The following HIPK2 variants were observed in gnomAD, a reference collection of about 807,000 sequenced individuals.
HIPK2 encodes the protein homeodomain-interacting protein kinase 2.
HIPK2 carries 27 observed loss-of-function variants against 113.7 expected under a neutral mutation model. The observed-to-expected ratio is 0.24, with a 90% CI of 0.17 to 0.33. The LOEUF is 0.33. Among genes scored for constraint, HIPK2 ranks in the 10% least tolerant of loss-of-function variants. The pLI is 1.00. For synonymous variants in HIPK2, 631 were observed against 642.2 expected, an observed-to-expected ratio of 0.98 and a Z score of 0.26; for missense variants, 1,257 against 1,588.0, an observed-to-expected ratio of 0.79 and a Z score of 3.54.
In HIPK2 at chr7:139,572,350, G is replaced by C. The variant is rs1018436713; in HGVS notation, c.*577C>G. ...CCTCAGGCTGCAGCCCGACATTCTG[G>C]AGGGCTGTTGACCCTTTCGAGTTCT... is the stretch of plus-strand genomic sequence containing the variant. On this transcript the variant is annotated 3_prime_UTR_variant, in exon 15 of 15. Coordinates refer to ENST00000406875, the MANE Select transcript of HIPK2 (RefSeq NM_022740.5). The C allele has an allele frequency of 4.6e-5, 7 of 152,256 alleles. No individual in the cohort carries two copies. The highest frequency in any genetic ancestry group is 7.3e-5 in the Non-Finnish European group (5 of 68,050). 9.4% of individuals were successfully genotyped at this position (152,256 alleles called of 1,614,324 possible).
At position 139,716,901 on chromosome 7, in the gene HIPK2, C is replaced by G. The variant is rs376416847; in HGVS notation, c.134G>C (p.Gly45Ala). 1.9e-6 allele frequency: 3 copies of G among 1,613,848 alleles called. No homozygotes were observed. In the East Asian group the frequency reaches 6.7e-5, roughly 36 times the overall value. ...CTGGCTATACACTTTGCTGTGGGAG[C>G]CGTACCCAGTCATGTCCCAGTTGGA... ...PSSNWDMTGYGSHSKVYSQSK... is the reference protein window; with the variant it reads ...PSSNWDMTGYASHSKVYSQSK... Residue 45 changes from glycine to alanine, a missense_variant, in exon 2 of 15, where the codon GGC (glycine) becomes GCC (alanine). Physicochemically the swap from Gly to Ala is moderately conservative, Grantham distance 60. Coordinates refer to ENST00000406875, the MANE Select transcript of HIPK2 (RefSeq NM_022740.5). This position sits in a 1 kb window ranked among gnomAD's most constrained non-coding sequence, Gnocchi z 9.3.
chr7:139,774,552 G>A (rs1796706718), intron 1 of HIPK2, among the ~76,000 whole-genome samples: 1 of 152,192 alleles, frequency 6.6e-6, no homozygotes, highest in African/African-American at 2.4e-5. Context: ...CTCATTTCTT[G>A]GTAGACAGCT....
chr7:139,588,083 C>T (rs552072851), intron 12 of HIPK2, among the ~76,000 whole-genome samples: 6 of 151,932 alleles, frequency 3.9e-5, no homozygotes, highest in East Asian at 1.9e-4. Context: ...TTTGGGAGGC[C>T]GAGGTGGGCG....
intron 12 of HIPK2, among the ~76,000 whole-genome samples, chr7:139,589,036 G>A (rs983623171): frequency 2.6e-5 from 4 of 152,186 alleles, no homozygotes; most frequent in Non-Finnish European, 5.9e-5. Context: ...CCCATTCTGT[G>A]GGTGGAGGAC....
At chr7:139,730,446 C>T (rs1795740233) in intron 1 of HIPK2, among the ~76,000 whole-genome samples, 3 of 150,416 alleles carry the variant, frequency 2.0e-5, no homozygotes, top group Non-Finnish European at 4.5e-5. Flanking sequence ...CTGCAACCTC[C>T]ACCTCCCAGG....
chr7:139,647,452 A>G (rs1801276850), intron 2 of HIPK2, among the ~76,000 whole-genome samples: 1 of 152,182 alleles, frequency 6.6e-6, no homozygotes, highest in South Asian at 2.1e-4. Flanking sequence ...CTGTTTATTT[A>G]CTTTTAAGGA....
intron 2 of HIPK2, among the ~76,000 whole-genome samples, chr7:139,677,140 C>T (rs535581868): frequency 2.6e-5 from 4 of 151,958 alleles, no homozygotes; most frequent in South Asian, 4.2e-4. Flanking sequence ...GGATTACAGG[C>T]GTGAGCCACC....
intron 11 of HIPK2, among the ~76,000 whole-genome samples, chr7:139,597,766 A>G (rs1266479675): frequency 6.6e-6 from 1 of 152,220 alleles, no homozygotes; most frequent in African/African-American, 2.4e-5. Context: ...ATTTTGATCA[A>G]CTTGAAATTC....
rs10226461 is a variant in HIPK2 at position 139,689,014 on chromosome 7, A to C, written c.1103+26918T>G. Among the ~76,000 whole-genome samples, 923 of 152,320 alleles carry C rather than the reference A, an allele frequency of 6.1e-3. 13 individuals carry two copies. Among genetic ancestry groups the C allele is most frequent in the African/African-American group, 0.021 (874 of 41,572 alleles). On this transcript the variant is annotated intron_variant, in intron 2 of 14. Coordinates refer to ENST00000406875, the MANE Select transcript of HIPK2 (RefSeq NM_022740.5). ...CTACAAGTCAAACCTGAATATTAAC[A>C]AGGCAAATGAAGAGAAACTCTCAAA...
intron 12 of HIPK2, among the ~76,000 whole-genome samples, chr7:139,594,962 G>A (rs1406491110): frequency 6.6e-6 from 1 of 152,098 alleles, no homozygotes; most frequent in Non-Finnish European, 1.5e-5. Flanking sequence ...AGGGGCTGCC[G>A]CAGAGGCACG....
At position 139,575,133 on chromosome 7, in the gene HIPK2, T is replaced by G; in HGVS notation, c.3121A>C (p.Ser1041Arg). 4 of 1,593,326 alleles carry G rather than the reference T, an allele frequency of 2.5e-6. No homozygotes were observed. Reference sequence around the variant, plus strand: ...GCGCCAGCTGTGGGGCTTACCTGGCTGAGATTGAGTGGCTGCTGCTGCTGG... The same window carrying G: ...GCGCCAGCTGTGGGGCTTACCTGGCGGAGATTGAGTGGCTGCTGCTGCTGG... Reference protein sequence around the residue: ...HFQQQQPLNLSQAQQHITTDR... With the variant: ...HFQQQQPLNLRQAQQHITTDR... The change falls in exon 14 of 15, where the codon AGC (serine) becomes CGC (arginine). Residue 1041 changes from serine to arginine, a missense_variant. Ser to Arg is a moderately radical substitution (Grantham distance 110). Transcript: ENST00000406875.
intron 10 of HIPK2, among the ~76,000 whole-genome samples, chr7:139,602,056 G>A (rs1383069722): frequency 2.7e-5 from 4 of 150,500 alleles, no homozygotes; most frequent in Non-Finnish European, 5.9e-5. Flanking sequence ...GGGTTCAAGC[G>A]ATTCTCCTGC....
chr7:139,708,060 T>G (rs564960354), intron 2 of HIPK2, among the ~76,000 whole-genome samples: 7 of 151,998 alleles, frequency 4.6e-5, no homozygotes, highest in Non-Finnish European at 1.0e-4. Context: ...GCAGAAGGGC[T>G]CTCAACCACT....
chr7:139,627,298 C>CTATGTATGTATGTATGTATG (rs34240424), intron 5 of HIPK2, among the ~76,000 whole-genome samples: 6 of 148,446 alleles, frequency 4.0e-5, no homozygotes, highest in Admixed American at 1.3e-4. Flanking sequence ...ACAAAAAAGT[C>CTATGTATGTATGTATGTATG]TATGTATGTA....
chr7:139,603,701 G>T (rs1368533020), intron 10 of HIPK2, among the ~76,000 whole-genome samples: 2 of 152,130 alleles, frequency 1.3e-5, no homozygotes, highest in Admixed American at 6.5e-5. Flanking sequence ...GGGCTTTGGG[G>T]ACCCTCTTCT....
rs561855823 is a variant in HIPK2 at position 139,741,789 on chromosome 7, G to A, written c.20-24774C>T. Among the ~76,000 whole-genome samples the A allele has an allele frequency of 5.3e-5, 8 of 152,310 alleles. No homozygotes were observed. In the East Asian group the frequency reaches 5.8e-4, roughly 11 times the overall value. ...ACTCAGTATGATCACCACCATTCAC[G>A]TTTTGTTGTTTGTAATATGGTTCGT... is the stretch of plus-strand genomic sequence containing the variant. On this transcript the variant is annotated intron_variant, in intron 1 of 14. Coordinates refer to ENST00000406875, the MANE Select transcript of HIPK2 (RefSeq NM_022740.5).
At chr7:139,633,842 G>C (rs922713590) in intron 2 of HIPK2, among the ~76,000 whole-genome samples, 5 of 151,984 alleles carry the variant, frequency 3.3e-5, no homozygotes, top group African/African-American at 9.7e-5. Flanking sequence ...CTATTCAGGA[G>C]GCTGAGGCAT....
chr7:139,765,060 C>A (rs58543521), intron 1 of HIPK2, among the ~76,000 whole-genome samples: 47,700 of 151,432 alleles, frequency 0.31, 9,497 homozygotes, highest in African/African-American at 0.56. Context: ...CTCTTGAACC[C>A]AGGAGGCAGA....
chr7:139,573,618 G>T (rs1424633859), intron 14 of HIPK2, among the ~76,000 whole-genome samples: 2 of 152,098 alleles, frequency 1.3e-5, no homozygotes, highest in East Asian at 1.9e-4. Context: ...GAGGTGGGCG[G>T]ATCACCTGAG....
Sources: gnomAD v4.1 joint callset for allele counts (sites outside exome capture counted in the v4.1 genomes callset) on GRCh38, gnomAD v4.1.1 for gene constraint, Gnocchi (gnomAD v3.1) non-coding constraint, MANE v1.5 for transcripts, NCBI Gene and HGNC (gene_info 2026-07-23, HGNC 2026-07-21) for gene names.